Variants in FOXP2 observed in about 807,000 individuals in gnomAD.
FOXP2 encodes forkhead box protein P2.
A neutral mutation model predicts 115.8 loss-of-function variants in FOXP2; 12 were observed. The observed-to-expected ratio is 0.10, with a 90% CI of 0.07 to 0.17. FOXP2 has a LOEUF of 0.17. FOXP2 is among the 10% of genes least tolerant of loss of function. The probability of loss-of-function intolerance (pLI) is 1.00; values close to 1 mark genes in which losing one functional copy is unlikely to be tolerated. For synonymous variants in FOXP2, 328 were observed against 297.7 expected, an observed-to-expected ratio of 1.10 and a Z score of -1.05; for missense variants, 629 against 843.5, an observed-to-expected ratio of 0.75 and a Z score of 3.15.
At chr7:114,665,409 T>C (rs1467896203) in intron 16 of FOXP2, 2 of 152,138 alleles carry the variant, frequency 1.3e-5, no homozygotes, top group Non-Finnish European at 2.9e-5. Flanking sequence ...ATTTTTATAT[T>C]GTCTTCCTTT....
chr7:114,663,580 CA>C, intron 15 of FOXP2, 61 bp downstream of exon 15: 1 of 1,096,992 alleles, frequency 9.1e-7, no homozygotes, highest in South Asian at 1.3e-5. Flanking sequence ...TTTTTTTTGG[CA>C]TGTCTTTGTA....
At chr7:114,632,041 G>A (rs976131527) in intron 6 of FOXP2, among the ~76,000 whole-genome samples, 5 of 152,176 alleles carry the variant, frequency 3.3e-5, no homozygotes, top group Admixed American at 2.6e-4. Flanking sequence ...TACCGGGAAG[G>A]CTGACAGCAG....
intron 1 of FOXP2, among the ~76,000 whole-genome samples, chr7:114,255,570 G>A (rs1404487373): frequency 2.0e-5 from 3 of 152,204 alleles, no homozygotes; most frequent in Admixed American, 1.3e-4. Flanking sequence ...ACGAGGATCC[G>A]TGGGCGTGGG....
chr7:114,614,442 T>C (rs929879429), intron 3 of FOXP2, among the ~76,000 whole-genome samples: 4 of 152,212 alleles, frequency 2.6e-5, no homozygotes, highest in Admixed American at 1.3e-4. Flanking sequence ...GTTGAAAATA[T>C]CATTCCTACT....
chr7:114,346,399 T>C (rs1462997428), intron 2 of FOXP2, among the ~76,000 whole-genome samples: 1 of 151,790 alleles, frequency 6.6e-6, no homozygotes, highest in Admixed American at 6.6e-5. Context: ...TAGACACATT[T>C]TTATACATTT....
chr7:114,198,150 T>C (rs1051220126), intron 1 of FOXP2, among the ~76,000 whole-genome samples: 4 of 152,084 alleles, frequency 2.6e-5, no homozygotes, highest in Non-Finnish European at 5.9e-5. Flanking sequence ...AGGCATGAGC[T>C]ACCGCCCCCA....
chr7:114,204,752 A>T (rs1025595398), intron 1 of FOXP2, among the ~76,000 whole-genome samples: 1 of 152,136 alleles, frequency 6.6e-6, no homozygotes, highest in Non-Finnish European at 1.5e-5. Context: ...ATCTAATGTG[A>T]GTTTTGCCCT....
chr7:114,126,009 A>G (rs1478628856), intron 1 of FOXP2, among the ~76,000 whole-genome samples: 1 of 152,172 alleles, frequency 6.6e-6, no homozygotes, highest in Non-Finnish European at 1.5e-5. Flanking sequence ...ACTGCAAGTG[A>G]GGAAGGTAGT....
chr7:114,347,226 T>G (rs1527146), intron 2 of FOXP2, among the ~76,000 whole-genome samples: 69,579 of 151,622 alleles, frequency 0.46, 17,635 homozygotes, highest in East Asian at 0.84. Flanking sequence ...ATTATACTTT[T>G]GTTTTCTGGT....
At chr7:114,339,068 A>G (rs992856540) in intron 2 of FOXP2, among the ~76,000 whole-genome samples, 1 of 151,090 alleles carries the variant, frequency 6.6e-6, no homozygotes, top group Non-Finnish European at 1.5e-5. Context: ...CTTTTCCAGA[A>G]AAAAGTGTAC....
intron 2 of FOXP2, among the ~76,000 whole-genome samples, chr7:114,490,876 G>T (rs1256604789): frequency 1.3e-5 from 2 of 152,118 alleles, no homozygotes; most frequent in African/African-American, 2.4e-5. Flanking sequence ...TGGTGTATAT[G>T]TGCCACATTT....
At position 114,304,669 on chromosome 7, in the gene FOXP2, C is replaced by CAAAAAAA. The variant is rs71157580; in HGVS notation, c.-11+16581_-11+16587dup. On this transcript the variant is annotated intron_variant, in intron 2 of 17. Transcript: ENST00000634411. Reference sequence around the variant, plus strand: ...TAGGTGACAGAGTGAGACTCTGTCTCAAAAAAAAAAAAAAAAAAAAAAAAA... The same window carrying CAAAAAAA: ...TAGGTGACAGAGTGAGACTCTGTCTCAAAAAAAAAAAAAAAAAAAAAAAAAAAAAAAA... 5.2e-4 allele frequency among the ~76,000 whole-genome samples: 34 copies of CAAAAAAA among 65,140 alleles called. 1 individual carries two copies. The highest frequency in any genetic ancestry group is 6.7e-4 in the Non-Finnish European group (25 of 37,408). The allele number at this position is 65,140 out of a possible 152,430, so 42.7% of individuals were successfully genotyped here. A position where few individuals can be genotyped will look rare whatever the true frequency, so the allele number is the denominator to read the frequency against.
chr7:114,221,627 A>T (rs937942496), intron 1 of FOXP2, among the ~76,000 whole-genome samples: 1 of 152,026 alleles, frequency 6.6e-6, no homozygotes, highest in Non-Finnish European at 1.5e-5. Context: ...AGGGTCCCCC[A>T]TGTCTCCCTA....
intron 16 of FOXP2, among the ~76,000 whole-genome samples, chr7:114,671,680 G>GA (rs139212165): frequency 2.7e-5 from 4 of 150,482 alleles, no homozygotes; most frequent in Middle Eastern, 3.4e-3. Flanking sequence ...CAGTACCAGG[G>GA]AAAAAAAAAT....
At chr7:114,685,168 T>C (rs1418091816) in intron 16 of FOXP2, among the ~76,000 whole-genome samples, 1 of 152,234 alleles carries the variant, frequency 6.6e-6, no homozygotes, top group Admixed American at 6.5e-5. Context: ...GTTTTCCTGA[T>C]AGCACATTTC....
intron 3 of FOXP2, among the ~76,000 whole-genome samples, chr7:114,617,992 C>A (rs575770601): frequency 6.6e-6 from 1 of 152,270 alleles, no homozygotes; most frequent in African/African-American, 2.4e-5. Flanking sequence ...ACACTTTTGC[C>A]TAGGGAAGAC....
At chr7:114,108,923 T>C (rs1791195180) in intron 1 of FOXP2, among the ~76,000 whole-genome samples, 1 of 151,952 alleles carries the variant, frequency 6.6e-6, no homozygotes, top group Admixed American at 6.6e-5. Flanking sequence ...TGCCCTGTTT[T>C]TAGCGGAAAA....
intron 2 of FOXP2, among the ~76,000 whole-genome samples, chr7:114,372,640 G>T (rs1368157402): frequency 6.6e-6 from 1 of 152,118 alleles, no homozygotes; most frequent in African/African-American, 2.4e-5. Context: ...CACAAAATTA[G>T]TAACTGATGA....
chr7:114,355,968 A>G (rs1195504098), intron 2 of FOXP2, among the ~76,000 whole-genome samples: 2 of 152,168 alleles, frequency 1.3e-5, no homozygotes, highest in African/African-American at 2.4e-5. Context: ...CTGTTCAACT[A>G]CTTCTACCTT....
Sources: allele counts gnomAD v4.1 joint callset (sites outside exome capture counted in the v4.1 genomes callset), GRCh38; gene constraint gnomAD v4.1.1; transcripts MANE v1.5; gene names NCBI Gene and HGNC (gene_info 2026-07-23, HGNC 2026-07-21).